Variants in RBP7 observed in about 807,000 individuals in gnomAD.
RBP7 encodes retinol binding protein 7.
In RBP7, 13 loss-of-function variants were observed where a neutral mutation model predicts 16.7. The ratio of observed to expected loss-of-function variants is 0.78; its 90% confidence interval spans 0.51 to 1.24. The LOEUF is 1.24. RBP7 is among the 50% of genes most tolerant of loss of function. The probability of loss-of-function intolerance (pLI) is 0.00; values close to 1 mark genes in which losing one functional copy is unlikely to be tolerated. For synonymous variants in RBP7, 54 were observed against 56.2 expected (o/e 0.96, Z 0.17); for missense variants, 145 against 159.5 (o/e 0.91, Z 0.49).
rs375880758 is a variant in RBP7, at chr1:10,008,201, T to C, written c.281T>C (p.Leu94Pro). The change falls in exon 3 of 4, where the codon CTC becomes CCC. Residue 94 changes from leucine (L) to proline (P), a missense_variant. By Grantham distance (98) the Leu-to-Pro change is moderately conservative (BLOSUM62 -3). Coordinates refer to ENST00000294435, the MANE Select transcript of RBP7 (RefSeq NM_052960.3). The stretch of plus-strand genomic sequence containing the variant: ...TTGGTTATCTGGGACAATGACAGGC[T>C]CACCTGTATCCAGAAGGGAGAAAAG... Reference protein sequence around the residue: ...KSLVIWDNDRLTCIQKGEKKN... With the variant: ...KSLVIWDNDRPTCIQKGEKKN... 6.2e-6 allele frequency: 10 copies of C among 1,612,110 alleles called. No individual in the cohort carries two copies. Among genetic ancestry groups the C allele is most frequent in the Non-Finnish European group, 8.5e-6 (10 of 1,178,396 alleles).
chr1:10,007,508 C>G, intron 1 of RBP7, 62 bp from the exon 2 acceptor site: 1 of 1,235,898 alleles, frequency 8.1e-7, no homozygotes, highest in Non-Finnish European at 1.1e-6. Flanking sequence ...AGAACAGCTA[C>G]CAAATTCTTC....
At chr1:10,001,548 C>T (rs957679352) in intron 1 of RBP7, among the ~76,000 whole-genome samples, 3 of 152,030 alleles carry the variant, frequency 2.0e-5, no homozygotes, top group Non-Finnish European at 4.4e-5. Flanking sequence ...CACATGCAAT[C>T]CTCCTGCCTC....
rs373169606 is a variant in RBP7 at position 10,008,161 on chromosome 1, C to T, written c.253-12C>T. ...CCAGGACAAGCTAACATTTTCTCCT[C>T]TCTTCATGCAGAGTTTGGTTATCTG... On this transcript the variant is annotated splice_polypyrimidine_tract_variant and intron_variant, in intron 2 of 3. Coordinates refer to ENST00000294435, the MANE Select transcript of RBP7 (RefSeq NM_052960.3). The T allele has an allele frequency of 1.3e-6, 2 of 1,558,688 alleles. No individual in the cohort carries two copies. The highest frequency in any genetic ancestry group is 1.1e-5 in the South Asian group (1 of 89,900).
At chr1:10,007,434 A>T in intron 1 of RBP7, 136 bp from the exon 2 acceptor site, 2 of 715,754 alleles carry the variant, frequency 2.8e-6, no homozygotes, top group Non-Finnish European at 2.3e-6. Flanking sequence ...TGTAGATCTG[A>T]TTTTGGCAGC....
chr1:10,003,670 C>T lies in RBP7; in HGVS notation c.74-3900C>T, dbSNP rs1642340041. ...GGGCAAAGCCAAGAACCTCTGCAGG[C>T]TAATCCCCGCTCTGGGGCTCACCTG... is the stretch of plus-strand genomic sequence containing the variant. On this transcript the variant is annotated intron_variant, in intron 1 of 3. Transcript: ENST00000294435. Among the ~76,000 whole-genome samples the T allele has an allele frequency of 1.3e-5, 2 of 152,212 alleles. 1 individual carries two copies. The highest frequency in any genetic ancestry group is 1.3e-4 in the Admixed American group (2 of 15,270).
intron 3 of RBP7, among the ~76,000 whole-genome samples, chr1:10,009,981 A>C (rs912876771): frequency 2.0e-5 from 3 of 152,120 alleles, no homozygotes; most frequent in African/African-American, 7.2e-5. Context: ...ACCTGTTTTA[A>C]GTGTACAGTT....
chr1:10,001,298 A>G (rs1289429698), intron 1 of RBP7, among the ~76,000 whole-genome samples: 1 of 152,056 alleles, frequency 6.6e-6, no homozygotes, highest in African/African-American at 2.4e-5. Flanking sequence ...TCTTTGCACA[A>G]AGAAGCAAGT....
At chr1:10,015,448 C>CAA (rs372218937) in intron 3 of RBP7, among the ~76,000 whole-genome samples, 2,052 of 94,696 alleles carry the variant, frequency 0.022, 49 homozygotes, top group African/African-American at 0.045. Context: ...GACTCCATCT[C>CAA]AAAAAAAAAA....
intron 1 of RBP7, among the ~76,000 whole-genome samples, chr1:10,001,079 C>T (rs1055737953): frequency 1.3e-5 from 2 of 152,124 alleles, no homozygotes; most frequent in Non-Finnish European, 2.9e-5. Context: ...TGCCTGTTGG[C>T]AGTGATGCTA....
chr1:10,001,464 C>T (rs1192416957), intron 1 of RBP7, among the ~76,000 whole-genome samples: 5 of 152,140 alleles, frequency 3.3e-5, no homozygotes, highest in African/African-American at 7.2e-5. Flanking sequence ...TACCACCACA[C>T]TTGGCCAATT....
chr1:9,998,389 T>A (rs530945267), intron 1 of RBP7, among the ~76,000 whole-genome samples: 1 of 115,324 alleles, frequency 8.7e-6, no homozygotes, highest in East Asian at 2.6e-4. Context: ...TTTTCTTTTT[T>A]TCTTTCTTTC....
chr1:10,008,324 C>A, intron 3 of RBP7, 50 bp downstream of exon 3: 1 of 1,276,492 alleles, frequency 7.8e-7, no homozygotes, highest in Non-Finnish European at 1.1e-6. Context: ...TTAAAGGAAA[C>A]ATCAGGCCAA....
rs1459625104 is a variant in RBP7 at position 10,007,331 on chromosome 1, GTCT to G, written c.74-235_74-233del. On this transcript the variant is annotated intron_variant, in intron 1 of 3. Transcript: ENST00000294435. ...ACTCCTAAGCTCAAACAATCCTCCTGTCTTCTGTGTCCCAAAGTGCTGGAATTA... is the reference window on the plus strand; with the variant it reads ...ACTCCTAAGCTCAAACAATCCTCCTGTCTGTGTCCCAAAGTGCTGGAATTA... The G allele has an allele frequency of 1.3e-5, 6 of 466,256 alleles. No homozygotes were observed. The Admixed American group carries it at 2.3e-4, about 18-fold the overall frequency. The allele number at this position is 466,256 out of a possible 1,614,324, so 28.9% of individuals were successfully genotyped here.
chr1:10,000,245 C>T (rs963395367), intron 1 of RBP7, among the ~76,000 whole-genome samples: 1 of 149,756 alleles, frequency 6.7e-6, no homozygotes, highest in Non-Finnish European at 1.5e-5. Context: ...AATAATTAAG[C>T]TAGCAGACTG....
At chr1:10,008,336 CG>C (rs1386197740) in intron 3 of RBP7, 62 bp downstream of exon 3, 1 of 1,104,592 alleles carries the variant, frequency 9.1e-7, no homozygotes, top group Non-Finnish European at 1.4e-6. Flanking sequence ...TCAGGCCAAG[CG>C]TGGTGGCTCA....
In RBP7 at chr1:10,007,594, T is replaced by C. The variant is rs780067027; in HGVS notation, c.98T>C (p.Ile33Thr). The change falls in exon 2 of 4, where the codon ATA becomes ACA. Residue 33 changes from isoleucine (I) to threonine (T), a missense_variant. Physicochemically the swap from Ile to Thr is moderately conservative, Grantham distance 89. Coordinates refer to ENST00000294435, the MANE Select transcript of RBP7 (RefSeq NM_052960.3). ...GGTATTGACTTTGCCACTCGTAAAA[T>C]AGCCAAGTTGCTGAAGCCACAGAAA... ...ALGIDFATRK[I>T]AKLLKPQKVI... is the part of the protein sequence containing the mutation. 3.7e-6 allele frequency: 6 copies of C among 1,610,968 alleles called. 1 individual carries two copies. Among genetic ancestry groups the C allele is most frequent in the Non-Finnish European group, 4.2e-6 (5 of 1,179,222 alleles).
intron 1 of RBP7, among the ~76,000 whole-genome samples, chr1:10,000,685 A>G (rs1040338714): frequency 4.6e-5 from 7 of 152,200 alleles, no homozygotes; most frequent in African/African-American, 1.4e-4. Context: ...CAGATATAGT[A>G]CTTAGATCTT....
chr1:9,999,768 C>T (rs1642230986), intron 1 of RBP7, among the ~76,000 whole-genome samples: 3 of 149,732 alleles, frequency 2.0e-5, no homozygotes, highest in Admixed American at 6.8e-5. Flanking sequence ...GTACTTAGGT[C>T]ACACTTATAG....
intron 3 of RBP7, among the ~76,000 whole-genome samples, chr1:10,012,700 G>A (rs1237571890): frequency 6.6e-6 from 1 of 151,624 alleles, no homozygotes; most frequent in Non-Finnish European, 1.5e-5. Flanking sequence ...TTGAGAGGCC[G>A]AGGCAGGTGG....
Sources: allele counts gnomAD v4.1 joint callset (sites outside exome capture counted in the v4.1 genomes callset), GRCh38; gene constraint gnomAD v4.1.1; transcripts MANE v1.5; gene names NCBI Gene and HGNC (gene_info 2026-07-23, HGNC 2026-07-21).